The following FARS2 variants were observed in gnomAD, a reference collection of about 807,000 sequenced individuals.
FARS2 encodes the protein phenylalanine--tRNA ligase, mitochondrial.
A neutral mutation model predicts 46.4 loss-of-function variants in FARS2; 40 were observed. That is an observed-to-expected ratio of 0.86 (90% CI 0.67 to 1.12). The LOEUF is 1.12. Ranked by LOEUF, FARS2 falls within the 50% of genes most tolerant of loss-of-function variation. FARS2 has a pLI of 0.00. For synonymous variants in FARS2, 234 were observed against 214.9 expected, an observed-to-expected ratio of 1.09 and a Z score of -0.78; for missense variants, 513 against 567.9, an observed-to-expected ratio of 0.90 and a Z score of 0.98.
In FARS2 at chr6:5,393,913, A is replaced by G. The variant is rs116518307; in HGVS notation, c.613-10629A>G. 8.6e-3 allele frequency among the ~76,000 whole-genome samples: 1,304 copies of G among 152,294 alleles called. 16 individuals carry two copies. The highest frequency in any genetic ancestry group is 0.029 in the African/African-American group (1,214 of 41,560). On this transcript the variant is annotated intron_variant, in intron 2 of 6. Coordinates refer to ENST00000274680, the MANE Select transcript of FARS2 (RefSeq NM_006567.5). Reference sequence around the variant, plus strand: ...AGTGAGACATCTCGAGCATCCTGCTATGCATTTAGACTGAAAATGTGTTGG... The same window carrying G: ...AGTGAGACATCTCGAGCATCCTGCTGTGCATTTAGACTGAAAATGTGTTGG...
intron 4 of FARS2, among the ~76,000 whole-genome samples, chr6:5,444,418 G>C (rs971382371): frequency 7.3e-6 from 1 of 137,794 alleles, no homozygotes; most frequent in Non-Finnish European, 1.5e-5. Context: ...AGTGAGCCGA[G>C]ATTGCGCCAT....
intron 5 of FARS2, among the ~76,000 whole-genome samples, chr6:5,546,394 GCGCC>G: frequency 1.3e-5 from 2 of 151,490 alleles, no homozygotes; most frequent in Non-Finnish European, 2.9e-5. Context: ...GGGATTACAG[GCGCC>G]CACCACTACG....
intron 3 of FARS2, among the ~76,000 whole-genome samples, chr6:5,406,384 T>C (rs1442928315): frequency 6.6e-6 from 1 of 152,184 alleles, no homozygotes; most frequent in African/African-American, 2.4e-5. Flanking sequence ...TACATGAACA[T>C]CTTCATTGTC....
intron 4 of FARS2, among the ~76,000 whole-genome samples, chr6:5,449,352 C>CAG (rs1554186629): frequency 2.5e-5 from 3 of 120,888 alleles, no homozygotes; most frequent in Non-Finnish European, 3.3e-5. Flanking sequence ...GACTCCATCT[C>CAG]AAAAAAAAAA....
chr6:5,389,637 G>A (rs1760362188), intron 2 of FARS2, among the ~76,000 whole-genome samples: 1 of 152,142 alleles, frequency 6.6e-6, no homozygotes, highest in Admixed American at 6.5e-5. Flanking sequence ...TAGAATTAGT[G>A]AAATTGGTGA....
intron 1 of FARS2, among the ~76,000 whole-genome samples, chr6:5,286,537 G>C (rs116579221): frequency 3.3e-5 from 5 of 152,290 alleles, no homozygotes; most frequent in African/African-American, 1.2e-4. Flanking sequence ...AGGATCATAG[G>C]TGTGAGCCAC....
At chr6:5,546,734 T>C (rs183967214) in intron 5 of FARS2, among the ~76,000 whole-genome samples, 43 of 146,186 alleles carry the variant, frequency 2.9e-4, no homozygotes, top group African/African-American at 1.0e-3. Context: ...GTTGCTCATC[T>C]TTTTTTTTTT....
chr6:5,441,349 C>T (rs186603338), intron 4 of FARS2, among the ~76,000 whole-genome samples: 41 of 152,252 alleles, frequency 2.7e-4, no homozygotes, highest in African/African-American at 9.1e-4. Flanking sequence ...TGTATCCCTC[C>T]CTGTCAGTTT....
intron 6 of FARS2, among the ~76,000 whole-genome samples, chr6:5,672,671 C>G (rs193003405): frequency 6.6e-6 from 1 of 152,266 alleles, no homozygotes; most frequent in East Asian, 1.9e-4. Flanking sequence ...TGCGAGCCCC[C>G]CTTAAAAATA....
chr6:5,384,868 C>CT (rs1487429934), intron 2 of FARS2, among the ~76,000 whole-genome samples: 1 of 152,184 alleles, frequency 6.6e-6, no homozygotes, highest in African/African-American at 2.4e-5. Context: ...TTTCACATCT[C>CT]TTCCCATTAA....
At chr6:5,771,199 G>T in intron 6 of FARS2, 92 bp from the exon 7 acceptor site, 5 of 1,452,524 alleles carry the variant, frequency 3.4e-6, no homozygotes, top group Non-Finnish European at 3.8e-6. Context: ...CTCCACTGCA[G>T]TTGGGGAGAT....
chr6:5,655,006 A>G (rs1777542639), intron 6 of FARS2, among the ~76,000 whole-genome samples: 1 of 152,224 alleles, frequency 6.6e-6, no homozygotes, highest in South Asian at 2.1e-4. Context: ...AGTATATAAT[A>G]CATACGACAT....
intron 1 of FARS2, among the ~76,000 whole-genome samples, chr6:5,304,402 A>G (rs1291219872): frequency 3.3e-5 from 5 of 152,338 alleles, no homozygotes; most frequent in East Asian, 1.9e-4. Context: ...AAAGGTATAC[A>G]TTTGTACATG....
At chr6:5,670,854 C>T (rs979469577) in intron 6 of FARS2, among the ~76,000 whole-genome samples, 7 of 152,098 alleles carry the variant, frequency 4.6e-5, no homozygotes, top group East Asian at 1.9e-4. Context: ...AAGTTTCAAC[C>T]GGGGCTCTTC....
intron 1 of FARS2, among the ~76,000 whole-genome samples, chr6:5,263,153 G>A (rs1476466419): frequency 6.6e-6 from 1 of 152,174 alleles, no homozygotes; most frequent in Non-Finnish European, 1.5e-5. Flanking sequence ...GCTTTTGAGA[G>A]TAAAGTTGGA....
intron 4 of FARS2, among the ~76,000 whole-genome samples, chr6:5,535,906 C>A (rs1231240211): frequency 6.6e-6 from 1 of 152,034 alleles, no homozygotes; most frequent in Admixed American, 6.6e-5. Context: ...GGTATATGAT[C>A]CTTTTAATGT....
chr6:5,338,988 TATGTGGCTATTGGTGA>T (rs1771365373), intron 1 of FARS2, among the ~76,000 whole-genome samples: 1 of 152,204 alleles, frequency 6.6e-6, no homozygotes, highest in African/African-American at 2.4e-5. Context: ...ATGGGTGTCA[TATGTGGCTATTGGTGA>T]AAACGAGTTG....
intron 4 of FARS2, among the ~76,000 whole-genome samples, chr6:5,536,484 T>A (rs1338421296): frequency 2.0e-5 from 3 of 152,190 alleles, no homozygotes; most frequent in Non-Finnish European, 4.4e-5. Flanking sequence ...CTTATTAGTA[T>A]GGTGAAGATA....
At chr6:5,476,005 G>A (rs561314161) in intron 4 of FARS2, among the ~76,000 whole-genome samples, 1 of 152,276 alleles carries the variant, frequency 6.6e-6, no homozygotes, top group South Asian at 2.1e-4. Context: ...TCAGTGATTG[G>A]TTCATTCATG....
Sources: gnomAD v4.1 joint callset for allele counts (sites outside exome capture counted in the v4.1 genomes callset) on GRCh38, gnomAD v4.1.1 for gene constraint, MANE v1.5 for transcripts, NCBI Gene and HGNC (gene_info 2026-07-23, HGNC 2026-07-21) for gene names.